The following EPHB1 variants were observed in gnomAD, a reference collection of about 807,000 sequenced individuals.
EPHB1 encodes the protein EPH receptor B1, also known as ephrin type-B receptor 1.
A neutral mutation model predicts 94.4 loss-of-function variants in EPHB1; 30 were observed. That is an observed-to-expected ratio of 0.32 (90% confidence interval 0.24 to 0.43). The LOEUF (loss-of-function observed/expected upper bound fraction) is 0.43, where lower values mean the gene tolerates loss of function less well. Ranked by LOEUF, EPHB1 falls within the 20% of genes least tolerant of loss-of-function variation. EPHB1 has a pLI of 1.00. For synonymous variants in EPHB1, 522 were observed against 489.1 expected, an observed-to-expected ratio of 1.07 and a Z score of -0.89; for missense variants, 1,055 against 1,308.3, an observed-to-expected ratio of 0.81 and a Z score of 2.99.
chr3:134,961,130 C>T (rs1933501905), intron 3 of EPHB1, among the ~76,000 whole-genome samples: 2 of 152,206 alleles, frequency 1.3e-5, no homozygotes, highest in Non-Finnish European at 2.9e-5. Context: ...CCAACTGGTA[C>T]TGGGCCCTGT....
intron 12 of EPHB1, among the ~76,000 whole-genome samples, chr3:135,223,070 C>T (rs2107720957): frequency 6.6e-6 from 1 of 152,290 alleles, no homozygotes; most frequent in African/African-American, 2.4e-5. Context: ...TCATGTACTA[C>T]ACTTAGGCAT....
At chr3:135,253,062 TG>T (rs1395396054) in intron 15 of EPHB1, among the ~76,000 whole-genome samples, 7 of 149,994 alleles carry the variant, frequency 4.7e-5, no homozygotes, top group Non-Finnish European at 1.0e-4. Flanking sequence ...TTGATGGGGT[TG>T]TTTTTTTCTT....
chr3:135,243,031 C>T (rs1215028182), intron 13 of EPHB1, among the ~76,000 whole-genome samples: 2 of 145,140 alleles, frequency 1.4e-5, no homozygotes, highest in Admixed American at 7.1e-5. Flanking sequence ...GCCAAGATCG[C>T]GCCACTGCAT....
chr3:135,097,979 C>A (rs1397810935), intron 3 of EPHB1, among the ~76,000 whole-genome samples: 1 of 152,208 alleles, frequency 6.6e-6, no homozygotes, highest in Non-Finnish European at 1.5e-5. Context: ...TCTGTGCCAA[C>A]TTTTACACAT....
At chr3:135,183,030 C>CTTTTCT (rs11459145) in intron 10 of EPHB1, among the ~76,000 whole-genome samples, 926 of 66,652 alleles carry the variant, frequency 0.014, 5 homozygotes, top group African/African-American at 0.018. Flanking sequence ...CTTTTCTTTT[C>CTTTTCT]TTTCTTTCTT....
chr3:135,192,656 G>T lies in EPHB1; in HGVS notation c.1963G>T (p.Ala655Ser), dbSNP rs1942491098. The T allele has an allele frequency of 1.2e-6, 2 of 1,614,046 alleles. No homozygotes were observed. Among genetic ancestry groups the T allele is most frequent in the African/African-American group, 1.3e-5 (1 of 74,918 alleles). ...CTACGTGGCCATCAAGACCCTGAAG[G>T]CAGGGTACTCGGAGAAGCAGCGTCG... The part of the protein sequence containing the change: ...EIYVAIKTLK[A>S]GYSEKQRRDF... Residue 655 changes from alanine to serine, a missense_variant, in exon 11 of 16, where the codon GCA becomes TCA. Physicochemically the swap from Ala to Ser is moderately conservative, Grantham distance 99 (BLOSUM62 1). Coordinates refer to ENST00000398015, the MANE Select transcript of EPHB1 (RefSeq NM_004441.5).
chr3:135,125,822 C>A (rs1202816331), intron 4 of EPHB1, among the ~76,000 whole-genome samples: 1 of 152,086 alleles, frequency 6.6e-6, no homozygotes, highest in Non-Finnish European at 1.5e-5. Context: ...ACTTTTTTCC[C>A]TGCATATTTC....
chr3:135,023,581 A>C (rs1438711863), intron 3 of EPHB1, among the ~76,000 whole-genome samples: 1 of 152,130 alleles, frequency 6.6e-6, no homozygotes, highest in Non-Finnish European at 1.5e-5. Context: ...TTTAGAACTT[A>C]GGGGCAGAAA....
At chr3:134,970,599 T>G (rs928894425) in intron 3 of EPHB1, among the ~76,000 whole-genome samples, 27 of 152,202 alleles carry the variant, frequency 1.8e-4, no homozygotes, top group Admixed American at 1.6e-3. Context: ...TGTGTATGTG[T>G]GTGTGTATGT....
chr3:135,023,339 T>A lies in EPHB1; in HGVS notation c.805+71287T>A, dbSNP rs763858542. On this transcript the variant is annotated intron_variant, in intron 3 of 15. Transcript: ENST00000398015. ...TTCTCATCCTCTGCATTAGTGAAAT[T>A]TTGGTCTGAATAATTCTTTGTTGTG... Among the ~76,000 whole-genome samples the A allele has an allele frequency of 2.6e-4, 39 of 152,188 alleles. 2 individuals carry two copies. The highest frequency in any genetic ancestry group is 2.2e-4 in the Non-Finnish European group (15 of 68,036).
intron 5 of EPHB1, among the ~76,000 whole-genome samples, chr3:135,150,563 A>G (rs1941161839): frequency 6.6e-6 from 1 of 152,160 alleles, no homozygotes; most frequent in South Asian, 2.1e-4. Context: ...TGACTTAGCA[A>G]CAGCATTTAA....
chr3:135,169,454 C>T (rs1576442062), intron 9 of EPHB1, among the ~76,000 whole-genome samples: 1 of 152,212 alleles, frequency 6.6e-6, no homozygotes, highest in African/African-American at 2.4e-5. Context: ...ACCTTGGGCA[C>T]CTGGCTCCTC....
At chr3:134,936,665 T>C (rs2039009223) in intron 2 of EPHB1, among the ~76,000 whole-genome samples, 1 of 152,214 alleles carries the variant, frequency 6.6e-6, no homozygotes, top group South Asian at 2.1e-4. Context: ...TTGCATGCTG[T>C]CCCACTTGTT....
At chr3:135,185,108 T>G (rs933985295) in intron 10 of EPHB1, among the ~76,000 whole-genome samples, 1 of 152,232 alleles carries the variant, frequency 6.6e-6, no homozygotes, top group Admixed American at 6.5e-5. Flanking sequence ...ATGTCTCCTC[T>G]GACTCTAGCA....
At chr3:134,826,614 A>T (rs2108291900) in intron 1 of EPHB1, among the ~76,000 whole-genome samples, 1 of 152,292 alleles carries the variant, frequency 6.6e-6, no homozygotes. Context: ...TGGAAATATA[A>T]AGGTTGTCTA....
At chr3:135,181,611 A>G (rs1235110000) in intron 10 of EPHB1, among the ~76,000 whole-genome samples, 1 of 152,062 alleles carries the variant, frequency 6.6e-6, no homozygotes, top group African/African-American at 2.4e-5. Flanking sequence ...GTTGTTATTT[A>G]TGTCATGTGC....
intron 1 of EPHB1, among the ~76,000 whole-genome samples, chr3:134,908,151 G>C (rs916746824): frequency 6.6e-6 from 1 of 152,260 alleles, no homozygotes; most frequent in Non-Finnish European, 1.5e-5. Flanking sequence ...GCAGTAAGCT[G>C]TGTATCTTAT....
intron 3 of EPHB1, among the ~76,000 whole-genome samples, chr3:135,034,792 A>G (rs538305129): frequency 6.6e-6 from 1 of 152,358 alleles, no homozygotes; most frequent in South Asian, 2.1e-4. Context: ...CCCAGACTGT[A>G]GCTGACTTGT....
intron 3 of EPHB1, among the ~76,000 whole-genome samples, chr3:134,981,369 A>G (rs1324481434): frequency 6.6e-6 from 1 of 152,218 alleles, no homozygotes; most frequent in Non-Finnish European, 1.5e-5. Flanking sequence ...GTAGGCAGGT[A>G]TCTGTTCCAT....
Sources: gnomAD v4.1 joint callset for allele counts (sites outside exome capture counted in the v4.1 genomes callset) on GRCh38, gnomAD v4.1.1 for gene constraint, MANE v1.5 for transcripts, NCBI Gene and HGNC (gene_info 2026-07-23, HGNC 2026-07-21) for gene names.